PTPRE: variants seen among roughly 807,000 people sequenced by gnomAD.
The protein encoded by PTPRE is protein tyrosine phosphatase receptor type E.
In PTPRE, 51 loss-of-function variants were observed where a neutral mutation model predicts 102.0. That is an observed-to-expected ratio of 0.50 (90% CI 0.40 to 0.63). The LOEUF (loss-of-function observed/expected upper bound fraction) is 0.63. PTPRE is among the 30% of genes least tolerant of loss of function. The pLI is 0.00. For synonymous variants in PTPRE, 345 were observed against 348.2 expected (o/e 0.99, Z 0.10); for missense variants, 752 against 915.1 (o/e 0.82, Z 2.30).
At chr10:127,909,751 T>C (rs187732990) in intron 1 of PTPRE, among the ~76,000 whole-genome samples, 1 of 152,320 alleles carries the variant, frequency 6.6e-6, no homozygotes, top group East Asian at 1.9e-4. Flanking sequence ...AGGACTACTG[T>C]CCATGGATAA....
chr10:127,956,106 C>G (rs576036890), intron 1 of PTPRE, among the ~76,000 whole-genome samples: 3 of 152,094 alleles, frequency 2.0e-5, no homozygotes, highest in African/African-American at 7.2e-5. Flanking sequence ...GAAACTATTA[C>G]CTTATTATTA....
intron 2 of PTPRE, among the ~76,000 whole-genome samples, chr10:128,034,192 G>C (rs142526523): frequency 7.8e-4 from 119 of 152,188 alleles, no homozygotes; most frequent in African/African-American, 2.7e-3. Context: ...ATAAACCTAA[G>C]TGTCCTAAAA....
Position 128,083,073 on chromosome 10 carries a change from TTTTAAA to T in PTPRE, c.*168_*173del, listed in dbSNP as rs1851858105. 1 of 536,628 alleles carries T rather than the reference TTTTAAA, an allele frequency of 1.9e-6. No individual in the cohort carries two copies. The highest frequency in any genetic ancestry group is 2.0e-5 in the African/African-American group (1 of 50,370). 33.2% of individuals were successfully genotyped at this position (536,628 alleles called of 1,614,324 possible). On this transcript the variant is annotated 3_prime_UTR_variant, in exon 21 of 21. Coordinates refer to ENST00000254667, the MANE Select transcript of PTPRE (RefSeq NM_006504.6). ...ACAGTTGTTAAATCTTAAATATGCT[TTTTAAA>T]AATTGGAATAATGTATTAAGGTCAA...
intron 1 of PTPRE, among the ~76,000 whole-genome samples, chr10:127,942,751 G>C (rs1848337719): frequency 6.6e-6 from 1 of 152,230 alleles, no homozygotes. Context: ...AAGAGGGACA[G>C]AGTTTCAGTT....
In PTPRE at chr10:128,070,274, G is replaced by A. The variant is rs1850652334; in HGVS notation, c.1144-27G>A. The A allele has an allele frequency of 1.3e-6, 2 of 1,583,084 alleles. No homozygotes were observed. Among genetic ancestry groups the A allele is most frequent in the African/African-American group, 1.3e-5 (1 of 74,550 alleles). The stretch of plus-strand genomic sequence containing the variant: ...CCAAGACTGCAGGGCAGAGTTGAGG[G>A]TGTGGGCACCCCTGGCCTCTCTGCA... On this transcript the variant is annotated intron_variant, in intron 13 of 20. Coordinates refer to ENST00000254667, the MANE Select transcript of PTPRE (RefSeq NM_006504.6). This position sits in a 1 kb window ranked among gnomAD's most constrained non-coding sequence, Gnocchi z 4.8.
chr10:127,922,445 T>A (rs1036803639), intron 1 of PTPRE, among the ~76,000 whole-genome samples: 1 of 152,194 alleles, frequency 6.6e-6, no homozygotes, highest in African/African-American at 2.4e-5. Context: ...CAGGGGGCCA[T>A]CGAGGGCCGC....
intron 2 of PTPRE, among the ~76,000 whole-genome samples, chr10:128,026,325 G>A (rs1367264373): frequency 6.6e-6 from 1 of 152,260 alleles, no homozygotes; most frequent in Non-Finnish European, 1.5e-5. Context: ...TCTGGCGAGA[G>A]GCCCCCTGCA....
chr10:128,076,780 T>C (rs776799542), intron 18 of PTPRE, 52 bp downstream of exon 18: 47 of 1,601,822 alleles, frequency 2.9e-5, no homozygotes, highest in Non-Finnish European at 3.7e-5. Flanking sequence ...AACCACGCCC[T>C]CCCTCTGGGT....
chr10:127,982,330 TG>T (rs1223022143), intron 2 of PTPRE, 34 bp downstream of exon 2: 1 of 1,173,660 alleles, frequency 8.5e-7, no homozygotes, highest in East Asian at 5.8e-5. Flanking sequence ...TTATTTTTGA[TG>T]TACAGATAAC....
intron 1 of PTPRE, among the ~76,000 whole-genome samples, chr10:127,959,685 G>A (rs11018420): frequency 0.031 from 4,664 of 152,278 alleles, 266 homozygotes; most frequent in African/African-American, 0.1. Context: ...ATAGTGTTGA[G>A]GGCACAACTG....
chr10:127,913,218 C>G (rs1474493433), intron 1 of PTPRE, among the ~76,000 whole-genome samples: 6 of 152,246 alleles, frequency 3.9e-5, no homozygotes, highest in Non-Finnish European at 8.8e-5. Context: ...GGCAAGGGCC[C>G]AGGGGACCGG....
At chr10:128,023,642 G>T (rs891131410) in intron 2 of PTPRE, among the ~76,000 whole-genome samples, 1 of 152,198 alleles carries the variant, frequency 6.6e-6, no homozygotes, top group Non-Finnish European at 1.5e-5. Context: ...AGGGGCTCTT[G>T]GACCGTATCC....
intron 2 of PTPRE, among the ~76,000 whole-genome samples, chr10:127,994,456 A>G (rs1186221952): frequency 6.6e-6 from 1 of 152,238 alleles, no homozygotes; most frequent in Non-Finnish European, 1.5e-5. Flanking sequence ...ACCCGCAAGA[A>G]CGCAGGCCCC....
intron 1 of PTPRE, among the ~76,000 whole-genome samples, chr10:127,924,922 G>A (rs1846894289): frequency 1.3e-5 from 2 of 152,242 alleles, no homozygotes. Flanking sequence ...TTAAGCAGAG[G>A]CATGTGGAGC....
intron 3 of PTPRE, among the ~76,000 whole-genome samples, chr10:128,042,952 A>T (rs1412391797): frequency 2.0e-5 from 3 of 152,228 alleles, no homozygotes; most frequent in African/African-American, 4.8e-5. Context: ...ACTCTCTAGA[A>T]ATTAGAGAAA....
Position 128,070,668 on chromosome 10 carries a change from C to A in PTPRE, c.1294-140C>A. 8.7e-7 allele frequency: 1 copy of A among 1,143,832 alleles called. No homozygotes were observed. The highest frequency in any genetic ancestry group is 1.2e-6 in the Non-Finnish European group (1 of 810,762). The allele number at this position is 1,143,832 out of a possible 1,614,324, so 70.9% of individuals were successfully genotyped here. Reference sequence around the variant, plus strand: ...CTACTAGGCACACATTTGTATTTCCCAATGCTAAGGAGGCTTCCTGGGTTG... The same window carrying A: ...CTACTAGGCACACATTTGTATTTCCAAATGCTAAGGAGGCTTCCTGGGTTG... On this transcript the variant is annotated intron_variant, in intron 14 of 20. Coordinates refer to ENST00000254667, the MANE Select transcript of PTPRE (RefSeq NM_006504.6). The surrounding 1 kb of genome is among the most constrained non-coding windows in gnomAD (Gnocchi z 4.8).
intron 2 of PTPRE, among the ~76,000 whole-genome samples, chr10:128,004,755 T>C (rs1854343520): frequency 6.6e-6 from 1 of 152,242 alleles, no homozygotes; most frequent in South Asian, 2.1e-4. Context: ...CTTTTGGATA[T>C]ATACCTAGGA....
At chr10:128,065,979 G>C (rs1850051850) in intron 10 of PTPRE, 96 bp from the exon 11 acceptor site, 6 of 1,560,594 alleles carry the variant, frequency 3.8e-6, no homozygotes, top group Admixed American at 1.7e-5. Flanking sequence ...TGTGACTCCA[G>C]CTGGTGTGTG....
At chr10:128,033,242 T>A (rs1202780959) in intron 2 of PTPRE, among the ~76,000 whole-genome samples, 2 of 152,210 alleles carry the variant, frequency 1.3e-5, no homozygotes, top group Non-Finnish European at 2.9e-5. Flanking sequence ...ATTTTGCTCA[T>A]CTTCAATTCC....
Sources: allele counts gnomAD v4.1 joint callset (sites outside exome capture counted in the v4.1 genomes callset), GRCh38; gene constraint gnomAD v4.1.1; non-coding constraint Gnocchi (gnomAD v3.1); transcripts MANE v1.5; gene names NCBI Gene and HGNC (gene_info 2026-07-23, HGNC 2026-07-21).